NLRP9: variants seen among roughly 807,000 people sequenced by gnomAD.
NLRP9 encodes NACHT, LRR and PYD domains-containing protein 9.
In NLRP9, 88 loss-of-function variants were observed where a neutral mutation model predicts 83.1. The ratio of observed to expected loss-of-function variants is 1.06; its 90% CI spans 0.89 to 1.26. The LOEUF (loss-of-function observed/expected upper bound fraction) is 1.26, where lower values mean the gene tolerates loss of function less well. Ranked by LOEUF, NLRP9 falls within the 50% of genes most tolerant of loss-of-function variation. The pLI, the probability that NLRP9 is intolerant of heterozygous loss-of-function variation, is 0.00. For missense variants in NLRP9, 1,308 were observed against 1,179.3 expected (o/e 1.11, Z -1.60); for synonymous variants, 521 against 447.6 (o/e 1.16, Z -2.07).
intron 8 of NLRP9, chr19:55,711,456 G>A: frequency 7.6e-7 from 1 of 1,309,496 alleles, no homozygotes; most frequent in Non-Finnish European, 1.0e-6. Flanking sequence ...AGCTGGCGTT[G>A]CATATTTATG....
chr19:55,710,872 G>A (rs898599930), intron 8 of NLRP9, among the ~76,000 whole-genome samples: 3 of 152,110 alleles, frequency 2.0e-5, no homozygotes, highest in Non-Finnish European at 4.4e-5. Flanking sequence ...GATCACCTGA[G>A]GTCAGGAGTT....
In NLRP9 at chr19:55,733,127, A is replaced by G. The variant is rs143503331; in HGVS notation, c.704T>C (p.Phe235Ser). ...FIMDGFEQLKFNLQLKADLSD... is the reference protein window; with the variant it reads ...FIMDGFEQLKSNLQLKADLSD... ...CAAGTCAGCCTTAAGTTGTAAGTTAAACTTCAGTTGCTCAAAGCCATCCAT... is the reference window on the plus strand; with the variant it reads ...CAAGTCAGCCTTAAGTTGTAAGTTAGACTTCAGTTGCTCAAAGCCATCCAT... The change falls in exon 2 of 9, where the codon TTT (phenylalanine) becomes TCT (serine). Residue 235 changes from phenylalanine to serine, a missense_variant. Coordinates refer to ENST00000332836, the MANE Select transcript of NLRP9 (RefSeq NM_176820.4). 1.4e-4 allele frequency: 222 copies of G among 1,614,040 alleles called. No homozygotes were observed. In the African/African-American group the frequency reaches 2.6e-3, roughly 19 times the overall value.
rs190108971 is a variant in NLRP9, at chr19:55,736,572, A to G, written c.280+1523T>C. On this transcript the variant is annotated intron_variant, in intron 1 of 8. Coordinates refer to ENST00000332836, the MANE Select transcript of NLRP9 (RefSeq NM_176820.4). ...ACACAGATAAAGAAAACTGGCACAC[A>G]CCTGTAATCACAGCACTTTGGGAAG... 4.6e-4 allele frequency among the ~76,000 whole-genome samples: 70 copies of G among 151,892 alleles called. 1 individual carries two copies. In the East Asian group the frequency reaches 0.012, roughly 25 times the overall value.
At position 55,711,445 on chromosome 19, in the gene NLRP9, G is replaced by A. The variant is rs774764954; in HGVS notation, c.2843+355C>T. 2.3e-6 allele frequency: 3 copies of A among 1,304,172 alleles called. No individual in the cohort carries two copies. The South Asian group carries it at 3.7e-5, about 16-fold the overall frequency. 80.8% of individuals were successfully genotyped at this position (1,304,172 alleles called of 1,614,324 possible). ...CATTCCAGAAGCCCTTCTGAAGTCT[G>A]AGCTGGCGTTGCATATTTATGGGCA... is the stretch of plus-strand genomic sequence containing the variant. On this transcript the variant is annotated intron_variant, in intron 8 of 8. Coordinates refer to ENST00000332836, the MANE Select transcript of NLRP9 (RefSeq NM_176820.4).
chr19:55,723,850 G>A (rs964930101), intron 4 of NLRP9, 130 bp downstream of exon 4: 6 of 686,482 alleles, frequency 8.7e-6, no homozygotes, highest in African/African-American at 3.6e-5. Context: ...GAGAGAGACA[G>A]ATTCAAAAGA....
rs1007999547 is a variant in NLRP9, at chr19:55,734,481, TAGC to T, written c.281-934_281-932del. On this transcript the variant is annotated intron_variant, in intron 1 of 8. Transcript: ENST00000332836. ...GCATTTTCTTTAATTAAACTGATGATAGCAGGTCACCTGTCAGCAAAGTACACA... is the reference window on the plus strand; with the variant it reads ...GCATTTTCTTTAATTAAACTGATGATAGGTCACCTGTCAGCAAAGTACACA... 1.7e-4 allele frequency among the ~76,000 whole-genome samples: 26 copies of T among 149,486 alleles called. No individual in the cohort carries two copies. The Admixed American group carries it at 1.7e-3, about 10-fold the overall frequency.
At chr19:55,717,030 T>TTTA in intron 4 of NLRP9, 132 bp from the exon 5 acceptor site, 1 of 605,996 alleles carries the variant, frequency 1.7e-6, no homozygotes, top group South Asian at 2.4e-5. Context: ...ACAGACTCTT[T>TTTA]TTCTTTTTTT....
chr19:55,724,179 A>G (rs1478928913), intron 3 of NLRP9, 35 bp from the exon 4 acceptor site: 1 of 1,477,566 alleles, frequency 6.8e-7, no homozygotes, highest in East Asian at 2.3e-5. Flanking sequence ...GCATCATGCA[A>G]TGAGATCCCA....
intron 6 of NLRP9, among the ~76,000 whole-genome samples, chr19:55,714,091 A>T (rs976607318): frequency 1.3e-5 from 2 of 151,352 alleles, no homozygotes; most frequent in South Asian, 2.1e-4. Context: ...ATGGAAGTCC[A>T]TGGGAACAGG....
At chr19:55,723,938 C>T (rs1259862993) in intron 4 of NLRP9, 42 bp downstream of exon 4, 1 of 1,548,820 alleles carries the variant, frequency 6.5e-7, no homozygotes, top group African/African-American at 1.4e-5. Flanking sequence ...CAAAGCCCAC[C>T]TTGGAAAGAA....
chr19:55,723,357 G>GAA (rs35694894), intron 4 of NLRP9, among the ~76,000 whole-genome samples: 9 of 150,850 alleles, frequency 6.0e-5, no homozygotes, highest in African/African-American at 2.2e-4. Context: ...TATCTTTAGG[G>GAA]AAAAAAAAAT....
In NLRP9 at chr19:55,715,339, C is replaced by T. The variant is rs1987968578; in HGVS notation, c.2331-114G>A. Reference sequence around the variant, plus strand: ...TCCTATGGTAATATTACCATATTTTCTTTGTCCCAGGCAAAACCTTTCCAG... The same window carrying T: ...TCCTATGGTAATATTACCATATTTTTTTTGTCCCAGGCAAAACCTTTCCAG... On this transcript the variant is annotated intron_variant, in intron 5 of 8. Transcript: ENST00000332836. 6.5e-6 allele frequency: 6 copies of T among 929,932 alleles called. No individual in the cohort carries two copies. In the East Asian group the frequency reaches 1.6e-4, roughly 25 times the overall value. The allele number at this position is 929,932 out of a possible 1,614,324, so 57.6% of individuals were successfully genotyped here.
In NLRP9 at chr19:55,730,002, A is replaced by C. The variant is rs749314602; in HGVS notation, c.1833-10T>G. 6.2e-7 allele frequency: 1 copy of C among 1,606,820 alleles called. No individual in the cohort carries two copies. Among genetic ancestry groups the C allele is most frequent in the Non-Finnish European group, 8.5e-7 (1 of 1,176,288 alleles). On this transcript the variant is annotated splice_polypyrimidine_tract_variant and intron_variant, in intron 2 of 8. Coordinates refer to ENST00000332836, the MANE Select transcript of NLRP9 (RefSeq NM_176820.4). ...GAGCTTCTCATTGTAACTATGAGAG[A>C]ACAAAGATTGTGATTCTCCAGTGGC...
chr19:55,733,506 G>A lies in NLRP9; in HGVS notation c.325C>T (p.Leu109Phe). The A allele has an allele frequency of 6.2e-7, 1 of 1,608,596 alleles. No homozygotes were observed. Among genetic ancestry groups the A allele is most frequent in the Admixed American group, 1.7e-5 (1 of 59,164 alleles). The change falls in exon 2 of 9, where the codon CTC becomes TTC. Residue 109 changes from leucine to phenylalanine, a missense_variant. Coordinates refer to ENST00000332836, the MANE Select transcript of NLRP9 (RefSeq NM_176820.4). The stretch of plus-strand genomic sequence containing the variant: ...AGACAGGTTTCCTTCTCCCATATGA[G>A]TTGAAATGTTTCCTTCATATGCTTT... ...YRKHMKETFQ[L>F]IWEKETCLHV...
At chr19:55,735,746 G>T (rs1456664354) in intron 1 of NLRP9, among the ~76,000 whole-genome samples, 1 of 151,958 alleles carries the variant, frequency 6.6e-6, no homozygotes, top group African/African-American at 2.4e-5. Flanking sequence ...AAAGTGCAGT[G>T]GTGTGATTGT....
intron 4 of NLRP9, among the ~76,000 whole-genome samples, chr19:55,722,376 G>A (rs529141725): frequency 6.6e-6 from 1 of 152,236 alleles, no homozygotes; most frequent in African/African-American, 2.4e-5. Flanking sequence ...TAAAAAAAAA[G>A]TTGCCATGAT....
intron 4 of NLRP9, 150 bp downstream of exon 4, chr19:55,723,830 T>C (rs1988311734): frequency 5.1e-6 from 3 of 591,376 alleles, no homozygotes; most frequent in Non-Finnish European, 8.6e-6. Context: ...AGAATCTACC[T>C]TCACCTTATG....
chr19:55,731,859 C>G (rs990069227), intron 2 of NLRP9, 140 bp downstream of exon 2: 1 of 584,220 alleles, frequency 1.7e-6, no homozygotes, highest in Non-Finnish European at 3.0e-6. Flanking sequence ...ACAGCAGTGC[C>G]AAGGCTCGAA....
chr19:55,735,672 A>G (rs988457073), intron 1 of NLRP9, among the ~76,000 whole-genome samples: 1 of 152,038 alleles, frequency 6.6e-6, no homozygotes, highest in Non-Finnish European at 1.5e-5. Context: ...ATCACAAAAC[A>G]CTATGCTATT....
Sources: gnomAD v4.1 joint callset for allele counts (sites outside exome capture counted in the v4.1 genomes callset) on GRCh38, gnomAD v4.1.1 for gene constraint, MANE v1.5 for transcripts, NCBI Gene and HGNC (gene_info 2026-07-23, HGNC 2026-07-21) for gene names.